STPG2: variants seen among roughly 807,000 people sequenced by gnomAD.
The protein encoded by STPG2 is sperm tail PG-rich repeat containing 2, also known as sperm-tail PG-rich repeat-containing protein 2.
In STPG2, 56 loss-of-function variants were observed where a neutral mutation model predicts 54.2. That is an observed-to-expected ratio of 1.03 (90% CI 0.83 to 1.29). The LOEUF is 1.29. STPG2 is among the 50% of genes most tolerant of loss of function. The probability of loss-of-function intolerance (pLI) is 0.00; values close to 1 mark genes in which losing one functional copy is unlikely to be tolerated. For synonymous variants in STPG2, 200 were observed against 181.8 expected, an observed-to-expected ratio of 1.10 and a Z score of -0.81; for missense variants, 596 against 544.9, an observed-to-expected ratio of 1.09 and a Z score of -0.93.
intron 10 of STPG2, among the ~76,000 whole-genome samples, chr4:97,648,108 A>G (rs11097565): frequency 0.6 from 91,423 of 152,056 alleles, 28,080 homozygotes; most frequent in African/African-American, 0.72. Context: ...GTCTGAAGTA[A>G]TCCTAGGGGA....
At chr4:97,914,154 T>C (rs1731782188) in intron 8 of STPG2, among the ~76,000 whole-genome samples, 1 of 152,206 alleles carries the variant, frequency 6.6e-6, no homozygotes, top group Non-Finnish European at 1.5e-5. Flanking sequence ...TCTCCCTCTA[T>C]AGAGCTGTTT....
intron 10 of STPG2, among the ~76,000 whole-genome samples, chr4:97,658,794 A>G (rs189995796): frequency 6.6e-6 from 1 of 152,356 alleles, no homozygotes; most frequent in East Asian, 1.9e-4. Flanking sequence ...GGGCATACGT[A>G]CTAAATTTAA....
At chr4:97,637,620 A>G (rs1002942587) in intron 10 of STPG2, among the ~76,000 whole-genome samples, 7 of 152,342 alleles carry the variant, frequency 4.6e-5, no homozygotes, top group East Asian at 1.9e-4. Flanking sequence ...AAATCTCCTT[A>G]AGCTGATAAG....
chr4:97,732,872 A>G (rs74807654), intron 9 of STPG2, among the ~76,000 whole-genome samples: 2 of 152,158 alleles, frequency 1.3e-5, no homozygotes, highest in Non-Finnish European at 2.9e-5. Context: ...TGCAATTTAC[A>G]ACCACAATGA....
intron 9 of STPG2, among the ~76,000 whole-genome samples, chr4:97,822,344 A>C (rs260888): frequency 1 from 152,313 of 152,330 alleles, 76,148 homozygotes; most frequent in Middle Eastern, 1. Flanking sequence ...TCACTATCAG[A>C]ATTTGGTTAC....
intron 9 of STPG2, among the ~76,000 whole-genome samples, chr4:97,829,176 A>T (rs775617800): frequency 5.3e-5 from 8 of 152,128 alleles, no homozygotes; most frequent in Non-Finnish European, 1.0e-4. Context: ...CAGAGGAAGG[A>T]ACAGGCGGCA....
intron 5 of STPG2, among the ~76,000 whole-genome samples, chr4:98,004,536 C>T (rs1025678758): frequency 2.6e-5 from 4 of 152,064 alleles, no homozygotes; most frequent in African/African-American, 9.7e-5. Context: ...TATGGTAGTT[C>T]GATTTTTATA....
intron 5 of STPG2, among the ~76,000 whole-genome samples, chr4:98,054,282 T>A (rs139869969): frequency 1.1e-3 from 170 of 152,218 alleles, no homozygotes; most frequent in African/African-American, 3.9e-3. Context: ...AAAGCACAGG[T>A]GTTACTCCAT....
intron 4 of STPG2, among the ~76,000 whole-genome samples, chr4:97,543,947 G>A (rs953512036): frequency 1.3e-5 from 2 of 151,932 alleles, no homozygotes; most frequent in African/African-American, 4.8e-5. Context: ...CCACACATTA[G>A]TATACTTCAA....
At chr4:98,088,783 C>T (rs946407754) in intron 5 of STPG2, among the ~76,000 whole-genome samples, 1 of 151,776 alleles carries the variant, frequency 6.6e-6, no homozygotes, top group Non-Finnish European at 1.5e-5. Context: ...ATTCTTTTCC[C>T]TACCATCCAT....
intron 5 of STPG2, among the ~76,000 whole-genome samples, chr4:97,986,633 A>G (rs1734839922): frequency 6.6e-6 from 1 of 152,224 alleles, no homozygotes; most frequent in Non-Finnish European, 1.5e-5. Context: ...CTGAACATTC[A>G]TATATGCAAA....
intron 10 of STPG2, among the ~76,000 whole-genome samples, chr4:97,571,237 T>C (rs911956413): frequency 6.6e-6 from 1 of 152,150 alleles, no homozygotes; most frequent in African/African-American, 2.4e-5. Context: ...TGAAATTCAA[T>C]AGATGATAGC....
At chr4:97,978,500 G>C (rs759166108) in intron 6 of STPG2, among the ~76,000 whole-genome samples, 1 of 151,984 alleles carries the variant, frequency 6.6e-6, no homozygotes, top group Non-Finnish European at 1.5e-5. Context: ...CAGACAATGG[G>C]GCCTACCAGT....
intron 4 of STPG2, among the ~76,000 whole-genome samples, chr4:97,483,496 A>T (rs1730275531): frequency 6.6e-6 from 1 of 151,686 alleles, no homozygotes; most frequent in African/African-American, 2.4e-5. Flanking sequence ...ATATAATGGT[A>T]AAAAGGCCTT....
rs568594416 is a variant in STPG2 at position 97,492,748 on chromosome 4, C to G, written c.462+219951G>C. Among the ~76,000 whole-genome samples the G allele has an allele frequency of 1.9e-3, 288 of 150,760 alleles. 1 individual carries two copies. The highest frequency in any genetic ancestry group is 6.5e-3 in the African/African-American group (267 of 41,152). ...AGAGATTCTTGCAAGGTATAGGATACTAAATTGAATAACTTATGAGACTAT... is the reference window on the plus strand; with the variant it reads ...AGAGATTCTTGCAAGGTATAGGATAGTAAATTGAATAACTTATGAGACTAT... On this transcript the variant is annotated intron_variant, in intron 4 of 4. Transcript: ENST00000522676.
intron 8 of STPG2, among the ~76,000 whole-genome samples, chr4:97,881,300 C>G (rs750826566): frequency 3.3e-5 from 5 of 152,058 alleles, no homozygotes; most frequent in Non-Finnish European, 7.4e-5. Flanking sequence ...GTCACTTAAC[C>G]TTTTCACCCC....
chr4:98,003,395 A>G (rs1182336822), intron 5 of STPG2, among the ~76,000 whole-genome samples: 2 of 151,578 alleles, frequency 1.3e-5, no homozygotes, highest in African/African-American at 4.8e-5. Context: ...ATACATCATC[A>G]GTTTTTTTTT....
intron 10 of STPG2, among the ~76,000 whole-genome samples, chr4:97,566,029 G>A (rs1028259418): frequency 1.1e-4 from 17 of 152,188 alleles, no homozygotes; most frequent in Admixed American, 9.8e-4. Flanking sequence ...TCTGTGCCCT[G>A]ACCCCAGAGG....
At chr4:97,964,007 T>C (rs1049195494) in intron 7 of STPG2, among the ~76,000 whole-genome samples, 8 of 152,026 alleles carry the variant, frequency 5.3e-5, no homozygotes, top group African/African-American at 1.9e-4. Flanking sequence ...GAGCAAAATA[T>C]AATAAAAGAA....
Sources: gnomAD v4.1 joint callset for allele counts (sites outside exome capture counted in the v4.1 genomes callset) on GRCh38, gnomAD v4.1.1 for gene constraint, MANE v1.5 for transcripts, NCBI Gene and HGNC (gene_info 2026-07-23, HGNC 2026-07-21) for gene names.